Variants in CPNE8 observed in about 807,000 individuals in gnomAD.
The protein encoded by CPNE8 is copine-8.
Under a neutral mutation model 81.5 loss-of-function variants are expected in CPNE8, and 45 were observed. That is an observed-to-expected ratio of 0.55 (90% CI 0.44 to 0.71). The LOEUF (loss-of-function observed/expected upper bound fraction) is 0.71. CPNE8 is among the 30% of genes least tolerant of loss of function. The pLI, the probability that CPNE8 is intolerant of heterozygous loss-of-function variation, is 0.00. For synonymous variants in CPNE8, 252 were observed against 226.3 expected (o/e 1.11, Z -1.02); for missense variants, 594 against 672.1 (o/e 0.88, Z 1.28).
intron 6 of CPNE8, among the ~76,000 whole-genome samples, chr12:38,792,141 T>C (rs1482373829): frequency 6.6e-6 from 1 of 151,144 alleles, no homozygotes; most frequent in Non-Finnish European, 1.5e-5. Context: ...AAGAAAGATC[T>C]CAAGTCAACA....
At chr12:38,706,276 TAA>T (rs1244108590) in intron 13 of CPNE8, among the ~76,000 whole-genome samples, 1 of 152,242 alleles carries the variant, frequency 6.6e-6, no homozygotes, top group Admixed American at 6.5e-5. Flanking sequence ...GCTTTTAATA[TAA>T]AGAGATTAAT....
chr12:38,712,100 G>A (rs927193739), intron 13 of CPNE8, among the ~76,000 whole-genome samples: 2 of 150,564 alleles, frequency 1.3e-5, no homozygotes, highest in Non-Finnish European at 2.9e-5. Flanking sequence ...TTCCATTTTC[G>A]AATAAGAAAT....
At chr12:38,892,225 C>A (rs1161265225) in intron 1 of CPNE8, among the ~76,000 whole-genome samples, 1 of 152,042 alleles carries the variant, frequency 6.6e-6, no homozygotes, top group Non-Finnish European at 1.5e-5. Flanking sequence ...TGGCTGGTGC[C>A]CATGTCTGAG....
chr12:38,873,005 T>A lies in CPNE8; in HGVS notation c.185A>T (p.Glu62Val). ...VQGVGNKEWR[E>V]FGRTEVIDNT... ...TTTTTAAAAAAGTTTTAAACTTACC[T>A]CTCTCCATTCTTTATTTCCAACTCC... The change falls in exon 3 of 20, where the codon GAG becomes GTG. Residue 62 changes from glutamate to valine, a missense_variant and splice_region_variant. Coordinates refer to ENST00000331366, the MANE Select transcript of CPNE8 (RefSeq NM_153634.3). 1 of 1,527,828 alleles carries A rather than the reference T, an allele frequency of 6.5e-7. No individual in the cohort carries two copies. Among genetic ancestry groups the A allele is most frequent in the Middle Eastern group, 1.7e-4 (1 of 5,850 alleles). 94.6% of individuals were successfully genotyped at this position (1,527,828 alleles called of 1,614,324 possible). A position where few individuals can be genotyped will look rare whatever the true frequency, so the allele number is the denominator to read the frequency against.
intron 16 of CPNE8, among the ~76,000 whole-genome samples, chr12:38,681,735 C>T (rs1024746296): frequency 1.6e-4 from 25 of 152,168 alleles, no homozygotes; most frequent in Admixed American, 1.6e-3. Flanking sequence ...ACCTGTCCTA[C>T]AAATTACATT....
At position 38,704,830 on chromosome 12, in the gene CPNE8, A is replaced by ATATATGTGTATATATATATATATATGTG. The variant is rs779179947; in HGVS notation, c.915-1910_915-1909insCACATATATATATATATATACACATATA. ...CATCTGTGTGTGTATGTATGTGTAT[A>ATATATGTGTATATATATATATATATGTG]TATATATATATATATATATATATAT... On this transcript the variant is annotated intron_variant, in intron 13 of 19. Transcript: ENST00000331366. Among the ~76,000 whole-genome samples, 12 of 64,318 alleles carry ATATATGTGTATATATATATATATATGTG rather than the reference A, an allele frequency of 1.9e-4. 1 individual carries two copies. The South Asian group carries it at 2.7e-3, about 14-fold the overall frequency. 42.2% of individuals were successfully genotyped at this position (64,318 alleles called of 152,430 possible).
intron 7 of CPNE8, among the ~76,000 whole-genome samples, chr12:38,770,714 C>A (rs1019804050): frequency 6.6e-6 from 1 of 152,118 alleles, no homozygotes; most frequent in Non-Finnish European, 1.5e-5. Context: ...CATCTCACAT[C>A]GGACCCACAC....
At chr12:38,894,950 A>T (rs1000505537) in intron 1 of CPNE8, among the ~76,000 whole-genome samples, 5 of 152,110 alleles carry the variant, frequency 3.3e-5, no homozygotes, top group Non-Finnish European at 5.9e-5. Context: ...TCTCAAAATG[A>T]TTATAAAACC....
Position 38,776,264 on chromosome 12 carries a change from TA to T in CPNE8, c.444del (p.Thr149GlnfsTer5). ...CTGCAACAGTTTAATTCCTCTGCTG[TA>T]AGTATGATTGTACCACATTTCTTCC... ...IPGKKCGTII[L>X]TAEELNCCRD... On this transcript the variant is annotated frameshift_variant, in exon 7 of 20. Transcript: ENST00000331366. LOFTEE classifies it high-confidence loss of function. 1 of 1,554,876 alleles carries T rather than the reference TA, an allele frequency of 6.4e-7. No homozygotes were observed. The highest frequency in any genetic ancestry group is 8.7e-7 in the Non-Finnish European group (1 of 1,143,314).
intron 6 of CPNE8, among the ~76,000 whole-genome samples, chr12:38,777,543 C>T (rs1941961350): frequency 6.6e-6 from 1 of 152,100 alleles, no homozygotes; most frequent in Non-Finnish European, 1.5e-5. Flanking sequence ...GTCTCAGGGC[C>T]TCACATTCAC....
intron 1 of CPNE8, among the ~76,000 whole-genome samples, chr12:38,887,289 G>T (rs1046900708): frequency 6.6e-6 from 1 of 152,106 alleles, no homozygotes; most frequent in African/African-American, 2.4e-5. Context: ...CTCCAGGCAG[G>T]GGGTACTAGG....
intron 14 of CPNE8, among the ~76,000 whole-genome samples, chr12:38,697,038 T>A (rs890970550): frequency 6.6e-6 from 1 of 151,994 alleles, no homozygotes; most frequent in Admixed American, 6.6e-5. Context: ...CAGAGTGAGA[T>A]CCCCCATCTC....
intron 1 of CPNE8, among the ~76,000 whole-genome samples, chr12:38,875,554 T>C (rs932288250): frequency 6.6e-6 from 1 of 152,220 alleles, no homozygotes; most frequent in African/African-American, 2.4e-5. Flanking sequence ...TCATGTGCAT[T>C]TATTTGTACT....
At chr12:38,734,653 A>G (rs1940912165) in intron 10 of CPNE8, among the ~76,000 whole-genome samples, 1 of 151,996 alleles carries the variant, frequency 6.6e-6, no homozygotes, top group East Asian at 1.9e-4. Flanking sequence ...TTAAGTCTTC[A>G]CCTTAAAATT....
At chr12:38,884,517 G>A (rs559631195) in intron 1 of CPNE8, among the ~76,000 whole-genome samples, 6 of 151,992 alleles carry the variant, frequency 3.9e-5, no homozygotes, top group Non-Finnish European at 7.4e-5. Context: ...GTTTTTATGC[G>A]GACATATGGT....
chr12:38,876,610 G>A (rs1331054637), intron 1 of CPNE8, among the ~76,000 whole-genome samples: 1 of 152,224 alleles, frequency 6.6e-6, no homozygotes, highest in African/African-American at 2.4e-5. Flanking sequence ...AATAAAACAA[G>A]CCAACAAAAA....
At chr12:38,887,125 C>T (rs1944248082) in intron 1 of CPNE8, among the ~76,000 whole-genome samples, 1 of 152,092 alleles carries the variant, frequency 6.6e-6, no homozygotes. Context: ...GGTCTCATGC[C>T]AGGCCTTGTA....
chr12:38,675,055 G>A (rs906069362), intron 18 of CPNE8, among the ~76,000 whole-genome samples: 4 of 152,118 alleles, frequency 2.6e-5, no homozygotes, highest in East Asian at 1.9e-4. Flanking sequence ...CAGATCACTC[G>A]TTACACAAAC....
chr12:38,794,301 C>A (rs1157562670), intron 6 of CPNE8, among the ~76,000 whole-genome samples: 5 of 152,046 alleles, frequency 3.3e-5, no homozygotes, highest in African/African-American at 1.2e-4. Context: ...AATTATAAAT[C>A]TGATAGTTAA....
Sources: allele counts gnomAD v4.1 joint callset (sites outside exome capture counted in the v4.1 genomes callset), GRCh38; gene constraint gnomAD v4.1.1; transcripts MANE v1.5; gene names NCBI Gene and HGNC (gene_info 2026-07-23, HGNC 2026-07-21).